The following SMYD3 variants were observed in gnomAD, a reference collection of about 807,000 sequenced individuals.
The protein encoded by SMYD3 is histone-lysine N-methyltransferase SMYD3.
A neutral mutation model predicts 57.7 loss-of-function variants in SMYD3; 36 were observed. The ratio of observed to expected loss-of-function variants is 0.62; its 90% CI spans 0.48 to 0.82. The LOEUF is 0.82. SMYD3 is among the 40% of genes least tolerant of loss of function. The pLI is 0.00. For synonymous variants in SMYD3, 211 were observed against 195.0 expected (o/e 1.08, Z -0.68); for missense variants, 515 against 538.8 (o/e 0.96, Z 0.44).
chr1:246,418,069 C>T (rs1417389869), intron 1 of SMYD3, among the ~76,000 whole-genome samples: 1 of 152,188 alleles, frequency 6.6e-6, no homozygotes, highest in Non-Finnish European at 1.5e-5. Flanking sequence ...GGCCCCTGTG[C>T]TTCTGCACAT....
intron 10 of SMYD3, among the ~76,000 whole-genome samples, chr1:245,796,693 T>C (rs1352915039): frequency 1.3e-5 from 2 of 152,222 alleles, no homozygotes; most frequent in Non-Finnish European, 2.9e-5. Context: ...CACAAAACTC[T>C]TGCATATTCT....
intron 5 of SMYD3, among the ~76,000 whole-genome samples, chr1:246,239,002 T>C (rs577039111): frequency 6.6e-6 from 1 of 151,262 alleles, no homozygotes; most frequent in African/African-American, 2.4e-5. Context: ...ACGTTTTCGG[T>C]GGATAGTCAC....
chr1:246,286,548 T>C (rs2064568280), intron 5 of SMYD3, among the ~76,000 whole-genome samples: 2 of 152,222 alleles, frequency 1.3e-5, no homozygotes, highest in African/African-American at 4.8e-5. Context: ...AAATTAGTGC[T>C]AGTTTTCTAC....
chr1:246,222,805 C>T (rs892138725), intron 5 of SMYD3, among the ~76,000 whole-genome samples: 3 of 152,106 alleles, frequency 2.0e-5, no homozygotes, highest in Non-Finnish European at 4.4e-5. Context: ...AAGAAATATA[C>T]AGAATATAAT....
At chr1:246,083,361 C>T (rs201118195) in intron 5 of SMYD3, among the ~76,000 whole-genome samples, 1 of 152,156 alleles carries the variant, frequency 6.6e-6, no homozygotes, top group Non-Finnish European at 1.5e-5. Context: ...ACTTTTTTCT[C>T]TAACTTGTTT....
At chr1:246,304,069 T>G (rs2064938970) in intron 5 of SMYD3, among the ~76,000 whole-genome samples, 1 of 152,214 alleles carries the variant, frequency 6.6e-6, no homozygotes, top group East Asian at 1.9e-4. Context: ...CATCACAAAG[T>G]TATTTGTAAT....
At chr1:246,481,723 CTGATA>C (rs1410397585) in intron 1 of SMYD3, among the ~76,000 whole-genome samples, 1 of 143,484 alleles carries the variant, frequency 7.0e-6, no homozygotes. Context: ...TATATATGAA[CTGATA>C]TGAGTATATA....
chr1:246,090,132 C>G (rs2060796030), intron 5 of SMYD3, among the ~76,000 whole-genome samples: 1 of 151,980 alleles, frequency 6.6e-6, no homozygotes, highest in Non-Finnish European at 1.5e-5. Context: ...CTGTCTCAGA[C>G]CCAGGCTTAA....
intron 5 of SMYD3, among the ~76,000 whole-genome samples, chr1:246,278,612 G>A (rs937523635): frequency 6.6e-5 from 10 of 152,062 alleles, no homozygotes; most frequent in African/African-American, 2.2e-4. Context: ...GATGCAAGGA[G>A]ATAAATTCTT....
intron 10 of SMYD3, among the ~76,000 whole-genome samples, chr1:245,836,034 T>TCAA (rs1274118861): frequency 6.6e-6 from 1 of 152,074 alleles, no homozygotes; most frequent in Non-Finnish European, 1.5e-5. Flanking sequence ...AACCCCCACC[T>TCAA]CAACTCCCAA....
chr1:245,876,475 T>C (rs1423601498), intron 8 of SMYD3, among the ~76,000 whole-genome samples: 1 of 152,250 alleles, frequency 6.6e-6, no homozygotes, highest in Admixed American at 6.5e-5. Context: ...GATCATGCTG[T>C]CACTCTTCGT....
intron 5 of SMYD3, among the ~76,000 whole-genome samples, chr1:246,090,967 G>A (rs2060813134): frequency 6.6e-6 from 1 of 152,160 alleles, no homozygotes; most frequent in Admixed American, 6.5e-5. Flanking sequence ...GGGAAACCAA[G>A]GTACAGCAGT....
chr1:246,243,374 G>T (rs190491555), intron 5 of SMYD3, among the ~76,000 whole-genome samples: 1 of 115,528 alleles, frequency 8.7e-6, no homozygotes, highest in Non-Finnish European at 1.8e-5. Flanking sequence ...TTGAGTTTTT[G>T]ACTTTTTTAA....
intron 5 of SMYD3, among the ~76,000 whole-genome samples, chr1:246,018,852 C>G (rs1448812412): frequency 2.0e-5 from 3 of 151,900 alleles, no homozygotes; most frequent in Non-Finnish European, 2.9e-5. Flanking sequence ...AATCCTCCTG[C>G]CTTGGCCTCC....
chr1:246,392,211 T>C (rs1164588728), intron 1 of SMYD3, among the ~76,000 whole-genome samples: 2 of 152,070 alleles, frequency 1.3e-5, no homozygotes, highest in Admixed American at 6.6e-5. Context: ...AAATGAACAA[T>C]TGAACACATG....
intron 10 of SMYD3, among the ~76,000 whole-genome samples, chr1:245,818,395 C>T (rs1245467661): frequency 6.6e-6 from 1 of 152,034 alleles, no homozygotes; most frequent in South Asian, 2.1e-4. Flanking sequence ...CTGAAGGAAG[C>T]GCTAAACATC....
At chr1:246,479,546 C>T (rs1443886344) in intron 1 of SMYD3, among the ~76,000 whole-genome samples, 1 of 138,084 alleles carries the variant, frequency 7.2e-6, no homozygotes, top group Non-Finnish European at 1.5e-5. Context: ...CTTGCTCTGC[C>T]ACCCACGCTG....
At chr1:246,123,391 AC>A (rs1418728731) in intron 5 of SMYD3, among the ~76,000 whole-genome samples, 1 of 152,064 alleles carries the variant, frequency 6.6e-6, no homozygotes, top group Non-Finnish European at 1.5e-5. Flanking sequence ...CAATGGTGAA[AC>A]CCCATCTCTA....
chr1:246,311,369 T>C (rs576251871), intron 5 of SMYD3, among the ~76,000 whole-genome samples: 2 of 152,228 alleles, frequency 1.3e-5, no homozygotes, highest in South Asian at 2.1e-4. Context: ...AGCATCATCA[T>C]TGCTCTAAAG....
Sources: allele counts gnomAD v4.1 joint callset (sites outside exome capture counted in the v4.1 genomes callset), GRCh38; gene constraint gnomAD v4.1.1; transcripts MANE v1.5; gene names NCBI Gene and HGNC (gene_info 2026-07-23, HGNC 2026-07-21).